Variants in SPARCL1 observed in about 807,000 individuals in gnomAD.
SPARCL1 encodes the protein SPARC like 1.
SPARCL1 carries 52 observed loss-of-function variants against 67.1 expected under a neutral mutation model. The ratio of observed to expected loss-of-function variants is 0.78; its 90% CI spans 0.62 to 0.98. SPARCL1 has a LOEUF of 0.98. Ranked by LOEUF, SPARCL1 falls within the 50% of genes least tolerant of loss-of-function variation. SPARCL1 has a pLI of 0.00. For synonymous variants in SPARCL1, 226 were observed against 267.8 expected (o/e 0.84, Z 1.52); for missense variants, 717 against 782.4 (o/e 0.92, Z 1.00).
chr4:87,509,951 G>A (rs1409794809), intron 1 of SPARCL1, among the ~76,000 whole-genome samples: 1 of 152,206 alleles, frequency 6.6e-6, no homozygotes, highest in Admixed American at 6.5e-5. Context: ...CATTTGGGCT[G>A]TGGTCTTAGG....
rs1002584086 is a variant in SPARCL1 at position 87,497,280 on chromosome 4, C to T, written c.55-2153G>A. 1.1e-5 allele frequency: 10 copies of T among 937,212 alleles called. No individual in the cohort carries two copies. The Admixed American group carries it at 5.6e-4, about 52-fold the overall frequency. 58.1% of individuals were successfully genotyped at this position (937,212 alleles called of 1,614,324 possible). A position where few individuals can be genotyped will look rare whatever the true frequency, so the allele number is the denominator to read the frequency against. On this transcript the variant is annotated intron_variant, in intron 2 of 10. Transcript: ENST00000282470. ...AATTTGAAAAAGTTTATAAAGAAGC[C>T]TTAAAGAAGGGGGAAAAGGAGAAAG...
At chr4:87,479,312 C>G in intron 10 of SPARCL1, 118 bp downstream of exon 10, 2 of 1,104,038 alleles carry the variant, frequency 1.8e-6, no homozygotes, top group Admixed American at 2.3e-5. Context: ...AAGCTGCCAC[C>G]TTTTTTTTTC....
chr4:87,504,103 G>A (rs1480660809), intron 1 of SPARCL1, among the ~76,000 whole-genome samples: 1 of 142,540 alleles, frequency 7.0e-6, no homozygotes, highest in Non-Finnish European at 1.5e-5. Flanking sequence ...GAAGAATAGA[G>A]AGTAAAGCTG....
chr4:87,525,328 G>A (rs1725996166), intron 1 of SPARCL1, among the ~76,000 whole-genome samples: 1 of 152,066 alleles, frequency 6.6e-6, no homozygotes, highest in Admixed American at 6.6e-5. Flanking sequence ...ACAATTTTAT[G>A]ACTGTTATTA....
chr4:87,504,138 TGTGTGTGTG>T (rs1578108095), intron 1 of SPARCL1, among the ~76,000 whole-genome samples: 1 of 63,806 alleles, frequency 1.6e-5, no homozygotes, highest in African/African-American at 1.8e-4. Flanking sequence ...TTTGGTATTG[TGTGTGTGTG>T]TGTGTGTGTG....
At chr4:87,474,588 A>T (rs2110206890) in intron 10 of SPARCL1, among the ~76,000 whole-genome samples, 1 of 152,094 alleles carries the variant, frequency 6.6e-6, no homozygotes, top group South Asian at 2.1e-4. Context: ...CCTTCACAAG[A>T]TTCTCCTTTT....
chr4:87,520,246 CAA>C (rs71667860), intron 1 of SPARCL1, among the ~76,000 whole-genome samples: 30 of 105,176 alleles, frequency 2.9e-4, no homozygotes, highest in Non-Finnish European at 3.6e-4. Context: ...GACACTGTCT[CAA>C]AAAAAAAAAA....
At chr4:87,492,291 G>A (rs769826548) in intron 4 of SPARCL1, among the ~76,000 whole-genome samples, 26 of 151,914 alleles carry the variant, frequency 1.7e-4, no homozygotes, top group Non-Finnish European at 2.9e-4. Context: ...GGTGGCAGGC[G>A]CCTATAGTCC....
intron 9 of SPARCL1, 62 bp from the exon 10 acceptor site, chr4:87,479,640 A>C (rs1468447219): frequency 4.0e-6 from 6 of 1,517,110 alleles, no homozygotes; most frequent in Non-Finnish European, 5.4e-6. Context: ...TTTAACTCTC[A>C]GGCTCACCAA....
At chr4:87,521,722 T>TA (rs1223168636) in intron 1 of SPARCL1, among the ~76,000 whole-genome samples, 3 of 152,228 alleles carry the variant, frequency 2.0e-5, no homozygotes. Flanking sequence ...AGACATACCA[T>TA]GTGTACTAGA....
chr4:87,493,469 G>T, intron 4 of SPARCL1, 113 bp downstream of exon 4: 1 of 855,060 alleles, frequency 1.2e-6, no homozygotes, highest in African/African-American at 1.7e-5. Flanking sequence ...ATATATTTTA[G>T]TAATGTACTA....
At chr4:87,496,005 C>T (rs551817891) in intron 2 of SPARCL1, among the ~76,000 whole-genome samples, 2 of 152,154 alleles carry the variant, frequency 1.3e-5, no homozygotes, top group East Asian at 3.9e-4. Flanking sequence ...AAGGGCATGT[C>T]TGGAGTATTA....
At chr4:87,491,955 CAAA>C (rs68120318) in intron 4 of SPARCL1, among the ~76,000 whole-genome samples, 80 of 12,742 alleles carry the variant, frequency 6.3e-3, no homozygotes, top group African/African-American at 0.026. Flanking sequence ...CCCCCCCCCC[CAAA>C]AAAAAAAAAA....
chr4:87,490,700 T>A (rs547450567), intron 6 of SPARCL1, 60 bp downstream of exon 6: 2 of 1,169,796 alleles, frequency 1.7e-6, no homozygotes, highest in East Asian at 2.4e-5. Context: ...ATGGCAAATA[T>A]TTTTATTTCA....
At chr4:87,480,837 T>TTTA (rs1723792916) in intron 8 of SPARCL1, among the ~76,000 whole-genome samples, 1 of 150,364 alleles carries the variant, frequency 6.7e-6, no homozygotes, top group African/African-American at 2.5e-5. Context: ...TTTTTTTTTT[T>TTTA]AAACTATGAG....
chr4:87,511,967 C>CTCTTTTTTTTTTTTT (rs71667858), intron 1 of SPARCL1, among the ~76,000 whole-genome samples: 1 of 121,566 alleles, frequency 8.2e-6, no homozygotes, highest in African/African-American at 3.2e-5. Context: ...CTTTCTTTCT[C>CTCTTTTTTTTTTTTT]TTTTTTTTTT....
intron 1 of SPARCL1, among the ~76,000 whole-genome samples, chr4:87,513,058 G>C (rs1391011171): frequency 6.6e-6 from 1 of 152,118 alleles, no homozygotes; most frequent in Non-Finnish European, 1.5e-5. Context: ...AAGAGAAGGA[G>C]GAACTCTTTA....
At chr4:87,487,421 C>A (rs536623357) in intron 7 of SPARCL1, among the ~76,000 whole-genome samples, 28 of 152,120 alleles carry the variant, frequency 1.8e-4, no homozygotes, top group Middle Eastern at 3.2e-3. Context: ...AATATTGGCC[C>A]CCACTCTTTT....
intron 2 of SPARCL1, among the ~76,000 whole-genome samples, chr4:87,497,999 T>A (rs538989507): frequency 6.6e-6 from 1 of 152,306 alleles, no homozygotes; most frequent in Non-Finnish European, 1.5e-5. Flanking sequence ...GCTCAAGCGA[T>A]CCTCTGGCCT....
Sources: gnomAD v4.1 joint callset for allele counts (sites outside exome capture counted in the v4.1 genomes callset) on GRCh38, gnomAD v4.1.1 for gene constraint, MANE v1.5 for transcripts, NCBI Gene and HGNC (gene_info 2026-07-23, HGNC 2026-07-21) for gene names.